The following CSMD1 variants were observed in gnomAD, a reference collection of about 807,000 sequenced individuals.
CSMD1 encodes CUB and sushi domain-containing protein 1.
A neutral mutation model predicts 417.5 loss-of-function variants in CSMD1; 213 were observed. That is an observed-to-expected ratio of 0.51 (90% CI 0.46 to 0.57). The LOEUF is 0.57. CSMD1 is among the 20% of genes least tolerant of loss of function. The pLI, the probability that CSMD1 is intolerant of heterozygous loss-of-function variation, is 0.00. For missense variants in CSMD1, 6,923 were observed against 4,529.7 expected (o/e 1.53, Z -15.17); for synonymous variants, 2,862 against 1,736.8 (o/e 1.65, Z -16.11).
At chr8:3,197,137 G>A (rs963329297) in intron 33 of CSMD1, among the ~76,000 whole-genome samples, 2 of 152,190 alleles carry the variant, frequency 1.3e-5, no homozygotes, top group African/African-American at 2.4e-5. Context: ...CAGAAAGATG[G>A]TAACATCATC....
chr8:2,969,062 A>G (rs1804213284), intron 57 of CSMD1, among the ~76,000 whole-genome samples: 1 of 152,170 alleles, frequency 6.6e-6, no homozygotes, highest in South Asian at 2.1e-4. Context: ...TGCTCATGCA[A>G]GTTAAATAAA....
chr8:3,386,871 C>T lies in CSMD1; in HGVS notation c.2782+623G>A, dbSNP rs185525445. Among the ~76,000 whole-genome samples the T allele has an allele frequency of 1.1e-3, 168 of 152,262 alleles. 1 individual carries two copies. The highest frequency in any genetic ancestry group is 2.0e-3 in the Non-Finnish European group (135 of 68,024). ...CAAATGATTACAAGCAACATATTTA[C>T]CTAACTGTTATTATAACTACACACA... is the stretch of plus-strand genomic sequence containing the variant. On this transcript the variant is annotated intron_variant, in intron 18 of 69. Coordinates refer to ENST00000635120, the MANE Select transcript of CSMD1 (RefSeq NM_033225.6).
chr8:4,056,533 T>TTTA (rs1554430824), intron 3 of CSMD1, among the ~76,000 whole-genome samples: 29 of 151,568 alleles, frequency 1.9e-4, no homozygotes, highest in South Asian at 1.5e-3. Flanking sequence ...TAATTTCAAT[T>TTTA]TTATTATTAT....
chr8:3,551,568 T>C (rs942470579), intron 10 of CSMD1, among the ~76,000 whole-genome samples: 11 of 145,280 alleles, frequency 7.6e-5, no homozygotes, highest in African/African-American at 2.8e-4. Flanking sequence ...AATTGTCTTC[T>C]AATAAATATG....
chr8:4,130,899 G>C (rs940070252), intron 3 of CSMD1, among the ~76,000 whole-genome samples: 1 of 151,766 alleles, frequency 6.6e-6, no homozygotes, highest in African/African-American at 2.4e-5. Context: ...GTAGAACAAT[G>C]CATTGGATGG....
chr8:2,998,400 TAAC>T (rs1402600736), intron 53 of CSMD1, among the ~76,000 whole-genome samples: 5 of 152,162 alleles, frequency 3.3e-5, no homozygotes, highest in Non-Finnish European at 7.3e-5. Context: ...TTGTGGAAAA[TAAC>T]AAACACCTGC....
At position 3,233,417 on chromosome 8, in the gene CSMD1, A is replaced by T. The variant is rs868460911; in HGVS notation, c.4154-3186T>A. Among the ~76,000 whole-genome samples the T allele has an allele frequency of 3.3e-5, 5 of 152,272 alleles. 1 individual carries two copies. The Middle Eastern group carries it at 0.01, about 311-fold the overall frequency. On this transcript the variant is annotated intron_variant, in intron 26 of 69. Coordinates refer to ENST00000635120, the MANE Select transcript of CSMD1 (RefSeq NM_033225.6). ...GCCAGATGTGGTCCCTCGACCTTGG[A>T]CTTCTCAGCCAGCATATTTGTGAGA...
chr8:4,960,456 G>A (rs1315553963), intron 1 of CSMD1, among the ~76,000 whole-genome samples: 1 of 152,134 alleles, frequency 6.6e-6, no homozygotes, highest in East Asian at 1.9e-4. Context: ...CATGTGCTGG[G>A]GATAAACAAA....
chr8:4,747,986 G>A (rs141254403), intron 1 of CSMD1, among the ~76,000 whole-genome samples: 3 of 152,294 alleles, frequency 2.0e-5, no homozygotes, highest in African/African-American at 7.2e-5. Flanking sequence ...TATTGGCTCT[G>A]CTGATGTATT....
intron 1 of CSMD1, among the ~76,000 whole-genome samples, chr8:4,792,123 ATC>A (rs1358319777): frequency 6.6e-6 from 1 of 152,044 alleles, no homozygotes; most frequent in Non-Finnish European, 1.5e-5. Context: ...TTCTAACAGA[ATC>A]TCTCTCCTTA....
chr8:4,034,295 T>A (rs908906637), intron 3 of CSMD1, among the ~76,000 whole-genome samples: 3 of 152,216 alleles, frequency 2.0e-5, no homozygotes, highest in Non-Finnish European at 4.4e-5. Context: ...TTGAATATTA[T>A]TGACATGTTT....
chr8:3,394,835 G>A (rs189217770), intron 17 of CSMD1, among the ~76,000 whole-genome samples: 27 of 152,200 alleles, frequency 1.8e-4, no homozygotes, highest in African/African-American at 5.8e-4. Flanking sequence ...AGCAAATGTT[G>A]TATATCTATA....
At chr8:4,327,851 G>A (rs898997162) in intron 3 of CSMD1, among the ~76,000 whole-genome samples, 7 of 152,122 alleles carry the variant, frequency 4.6e-5, no homozygotes, top group Non-Finnish European at 7.3e-5. Context: ...TTTGAAAGAT[G>A]ACACATTTTG....
At chr8:4,440,730 T>A (rs989139026) in intron 2 of CSMD1, among the ~76,000 whole-genome samples, 1 of 152,182 alleles carries the variant, frequency 6.6e-6, no homozygotes, top group Non-Finnish European at 1.5e-5. Context: ...GTGTGGTGGT[T>A]CATGCCTATA....
At chr8:4,283,387 A>T (rs1253393182) in intron 3 of CSMD1, among the ~76,000 whole-genome samples, 2 of 152,234 alleles carry the variant, frequency 1.3e-5, no homozygotes, top group Admixed American at 6.5e-5. Context: ...TATGTGTGCC[A>T]TGAAGTGAAT....
chr8:4,112,805 A>T (rs990158184), intron 3 of CSMD1, among the ~76,000 whole-genome samples: 1 of 152,228 alleles, frequency 6.6e-6, no homozygotes, highest in Non-Finnish European at 1.5e-5. Flanking sequence ...ACACACAGAC[A>T]TAACTTTTGT....
intron 3 of CSMD1, among the ~76,000 whole-genome samples, chr8:4,172,270 CTT>C (rs916755150): frequency 2.0e-5 from 3 of 152,144 alleles, no homozygotes; most frequent in African/African-American, 4.8e-5. Flanking sequence ...CTGGAATCCT[CTT>C]TGTTTCCTCT....
chr8:4,823,846 G>A (rs1799657143), intron 1 of CSMD1, among the ~76,000 whole-genome samples: 1 of 151,930 alleles, frequency 6.6e-6, no homozygotes, highest in South Asian at 2.1e-4. Flanking sequence ...AGATAAATGA[G>A]GCTTGAGAGA....
intron 7 of CSMD1, among the ~76,000 whole-genome samples, chr8:3,670,696 G>C (rs985355314): frequency 7.0e-6 from 1 of 142,050 alleles, no homozygotes; most frequent in Non-Finnish European, 1.5e-5. Context: ...TGGGATATAT[G>C]TATATGGGAT....
Sources: gnomAD v4.1 joint callset for allele counts (sites outside exome capture counted in the v4.1 genomes callset) on GRCh38, gnomAD v4.1.1 for gene constraint, MANE v1.5 for transcripts, NCBI Gene and HGNC (gene_info 2026-07-23, HGNC 2026-07-21) for gene names.